Variants in ACTL6B observed in about 807,000 individuals in gnomAD.
ACTL6B encodes the protein actin like 6B.
ACTL6B carries 48 observed loss-of-function variants against 63.3 expected under a neutral mutation model. That is an observed-to-expected ratio of 0.76 (90% confidence interval 0.60 to 0.96). ACTL6B has a LOEUF of 0.96. ACTL6B is among the 50% of genes least tolerant of loss of function. The pLI is 0.00. For missense variants in ACTL6B, 350 were observed against 572.2 expected, an observed-to-expected ratio of 0.61 and a Z score of 3.96; for synonymous variants, 230 against 223.8, an observed-to-expected ratio of 1.03 and a Z score of -0.25.
intron 4 of ACTL6B, among the ~76,000 whole-genome samples, chr7:100,654,097 C>T (rs992741735): frequency 1.1e-4 from 17 of 151,786 alleles, no homozygotes; most frequent in Non-Finnish European, 1.9e-4. Flanking sequence ...CTCAGCCTCC[C>T]GAGTAGCTGG....
chr7:100,655,749 C>A lies in ACTL6B; in HGVS notation c.102+54G>T. On this transcript the variant is annotated intron_variant, in intron 2 of 13. Coordinates refer to ENST00000160382, the MANE Select transcript of ACTL6B (RefSeq NM_016188.5). The surrounding 1 kb of genome is among the most constrained non-coding windows in gnomAD (Gnocchi z 4.4). ...GGGAGAGCCCTGGGTCACTGGAAAGCCTGAAGAAGGGTCCGAAGCCCCTAG... is the reference window on the plus strand; with the variant it reads ...GGGAGAGCCCTGGGTCACTGGAAAGACTGAAGAAGGGTCCGAAGCCCCTAG... 6.5e-7 allele frequency: 1 copy of A among 1,540,680 alleles called. No homozygotes were observed. The highest frequency in any genetic ancestry group is 8.8e-7 in the Non-Finnish European group (1 of 1,141,466).
At chr7:100,651,529 G>A (rs192613003) in intron 4 of ACTL6B, among the ~76,000 whole-genome samples, 3 of 149,564 alleles carry the variant, frequency 2.0e-5, no homozygotes, top group Non-Finnish European at 3.0e-5. Flanking sequence ...CAGCCTGGGG[G>A]ACAAGAGTGA....
At position 100,653,686 on chromosome 7, in the gene ACTL6B, AAACAAC is replaced by A. The variant is rs539842177; in HGVS notation, c.369+1327_369+1332del. Among the ~76,000 whole-genome samples, 11 of 152,006 alleles carry A rather than the reference AAACAAC, an allele frequency of 7.2e-5. No individual in the cohort carries two copies. The South Asian group carries it at 8.3e-4, about 11-fold the overall frequency. ...AAAAACAAACAACAAACAAAACCCC[AAACAAC>A]AACAACAACAACAACAAAACCCACT... On this transcript the variant is annotated intron_variant, in intron 4 of 13. Transcript: ENST00000160382.
chr7:100,647,185 G>C lies in ACTL6B; in HGVS notation c.821+38C>G. 6.7e-7 allele frequency: 1 copy of C among 1,493,066 alleles called. No individual in the cohort carries two copies. 92.5% of individuals were successfully genotyped at this position (1,493,066 alleles called of 1,614,324 possible). ...AGCCCACCCCAAGAGTGCCGGTTCT[G>C]CCCTCTCTCCCACCCCAAAGCCCTG... On this transcript the variant is annotated intron_variant, in intron 9 of 13. Transcript: ENST00000160382. This position sits in a 1 kb window ranked among gnomAD's most constrained non-coding sequence, Gnocchi z 4.4.
At chr7:100,653,686 A>C (rs964720030) in intron 4 of ACTL6B, among the ~76,000 whole-genome samples, 2 of 151,888 alleles carry the variant, frequency 1.3e-5, no homozygotes, top group African/African-American at 4.8e-5. Flanking sequence ...ACAAAACCCC[A>C]AACAACAACA....
At chr7:100,650,188 A>C (rs1562849495) in intron 4 of ACTL6B, 53 bp from the exon 5 acceptor site, 1 of 1,499,994 alleles carries the variant, frequency 6.7e-7, no homozygotes, top group African/African-American at 1.4e-5. Context: ...GCACAGACCC[A>C]CATCCACGCA....
Position 100,655,658 on chromosome 7 carries a change from C to A in ACTL6B, c.103-72G>T. 6.5e-7 allele frequency: 1 copy of A among 1,547,790 alleles called. No individual in the cohort carries two copies. ...CTCTTGCCCCTGTCCAGCCCCACAG[C>A]AGGGTCCTCAGACCGCCCCTGGGTT... On this transcript the variant is annotated intron_variant, in intron 2 of 13. Coordinates refer to ENST00000160382, the MANE Select transcript of ACTL6B (RefSeq NM_016188.5). The surrounding 1 kb of genome is among the most constrained non-coding windows in gnomAD (Gnocchi z 4.4).
chr7:100,652,999 C>CAAAAAAAAAAAAAAAAAAAAAAA (rs58707737), intron 4 of ACTL6B, among the ~76,000 whole-genome samples: 1 of 25,948 alleles, frequency 3.9e-5, no homozygotes, highest in South Asian at 2.2e-3. Flanking sequence ...AACTCCGTCT[C>CAAAAAAAAAAAAAAAAAAAAAAA]AAAAAAAAAA....
At chr7:100,650,690 G>C (rs1035324812) in intron 4 of ACTL6B, among the ~76,000 whole-genome samples, 1 of 151,848 alleles carries the variant, frequency 6.6e-6, no homozygotes, top group African/African-American at 2.4e-5. Context: ...AAAATTTAAA[G>C]TAAGGAGCTT....
intron 13 of ACTL6B, among the ~76,000 whole-genome samples, chr7:100,644,315 T>C (rs1803779656): frequency 6.6e-6 from 1 of 152,202 alleles, no homozygotes; most frequent in Non-Finnish European, 1.5e-5. Context: ...ATTACAGGCG[T>C]GAGCTACCAC....
rs201095144 is a variant in ACTL6B, at chr7:100,655,461, C to T, written c.228G>A (p.Arg76=). The change falls in exon 3 of 14, where the codon CGG becomes CGA. Residue 76 remains arginine (R), a synonymous_variant. Transcript: ENST00000160382. The surrounding 1 kb of genome is among the most constrained non-coding windows in gnomAD (Gnocchi z 4.4). ...HIDTNALHVP[R]DGAEVMSPLK... is the part of the protein sequence containing the mutation. ...GGGGCGACATGACCTCCGCTCCATC[C>T]CGAGGCACGTGCAGGGCATTGGTGT... 1.2e-6 allele frequency: 2 copies of T among 1,614,170 alleles called. No individual in the cohort carries two copies. The highest frequency in any genetic ancestry group is 8.5e-7 in the Non-Finnish European group (1 of 1,180,022).
chr7:100,644,097 G>T (rs1244701079), intron 13 of ACTL6B, among the ~76,000 whole-genome samples: 2 of 151,876 alleles, frequency 1.3e-5, no homozygotes, highest in Non-Finnish European at 1.5e-5. Flanking sequence ...ACAGGGTTTC[G>T]CCATGTTGGC....
intron 4 of ACTL6B, 126 bp from the exon 5 acceptor site, chr7:100,650,261 A>G (rs891286830): frequency 1.9e-5 from 14 of 730,988 alleles, no homozygotes; most frequent in Non-Finnish European, 3.3e-5. Context: ...ACACTTGCAC[A>G]CACATACACA....
chr7:100,649,841 C>T lies in ACTL6B; in HGVS notation c.467+197G>A, dbSNP rs542472700. Reference sequence around the variant, plus strand: ...TGATCCGGGGAACCGAAAGGGGCCGCTGATCTGGCCACCCCAGAGTCGGAG... The same window carrying T: ...TGATCCGGGGAACCGAAAGGGGCCGTTGATCTGGCCACCCCAGAGTCGGAG... On this transcript the variant is annotated intron_variant, in intron 5 of 13. Coordinates refer to ENST00000160382, the MANE Select transcript of ACTL6B (RefSeq NM_016188.5). The T allele has an allele frequency of 4.7e-4, 253 of 540,080 alleles. 1 individual carries two copies. The highest frequency in any genetic ancestry group is 4.5e-3 in the African/African-American group (235 of 52,612). The allele number at this position is 540,080 out of a possible 1,614,324, so 33.5% of individuals were successfully genotyped here.
rs765635136 is a variant in ACTL6B, at chr7:100,646,270, C to T, written c.1179G>A (p.Gly393=). 8 of 1,614,046 alleles carry T rather than the reference C, an allele frequency of 5.0e-6. No homozygotes were observed. In the African/African-American group the frequency reaches 1.1e-4, roughly 22 times the overall value. ...TMERKFSPWI[G]GSILASLGTF... is the part of the protein sequence containing the mutation. Reference sequence around the variant, plus strand: ...TCACCAGTGAGGCCAGGATGGAACCCCCGATCCAGGGGCTGAACTTGCGCT... The same window carrying T: ...TCACCAGTGAGGCCAGGATGGAACCTCCGATCCAGGGGCTGAACTTGCGCT... The change falls in exon 13 of 14, where the codon GGG becomes GGA. Residue 393 remains glycine, a synonymous_variant. Transcript: ENST00000160382. The surrounding 1 kb of genome is among the most constrained non-coding windows in gnomAD (Gnocchi z 6.1).
chr7:100,652,543 G>A (rs1227683921), intron 4 of ACTL6B, among the ~76,000 whole-genome samples: 9 of 148,840 alleles, frequency 6.0e-5, no homozygotes, highest in African/African-American at 9.9e-5. Context: ...AGCCGAGATC[G>A]CGCCATGGCA....
Position 100,646,453 on chromosome 7 carries a change from G to C in ACTL6B, c.1113+98C>G. ...GGCAGGGGTTCTGCTCTGGTGGCCAGAACAGAAGGAAGGACATGGGAAGGA... is the reference window on the plus strand; with the variant it reads ...GGCAGGGGTTCTGCTCTGGTGGCCACAACAGAAGGAAGGACATGGGAAGGA... On this transcript the variant is annotated intron_variant, in intron 12 of 13. Coordinates refer to ENST00000160382, the MANE Select transcript of ACTL6B (RefSeq NM_016188.5). The surrounding 1 kb of genome is among the most constrained non-coding windows in gnomAD (Gnocchi z 6.1). 1 of 1,551,602 alleles carries C rather than the reference G, an allele frequency of 6.4e-7. No homozygotes were observed. Among genetic ancestry groups the C allele is most frequent in the Non-Finnish European group, 8.9e-7 (1 of 1,125,954 alleles).
Position 100,648,657 on chromosome 7 carries a change from C to G in ACTL6B, c.568G>C (p.Val190Leu). Residue 190 changes from valine to leucine, a missense_variant, in exon 7 of 14, where the codon GTC (valine) becomes CTC (leucine). Coordinates refer to ENST00000160382, the MANE Select transcript of ACTL6B (RefSeq NM_016188.5). The surrounding 1 kb of genome is among the most constrained non-coding windows in gnomAD (Gnocchi z 4.4). ...AAGTCCCCTGCCAGAGGGGACTTGA[C>G]GATGCCTAGAAGGAAGGCACTGTCA... ...HDGYVLQQGI[V>L]KSPLAGDFIS... is the part of the protein sequence containing the mutation. The G allele has an allele frequency of 6.2e-7, 1 of 1,611,838 alleles. No individual in the cohort carries two copies.
intron 13 of ACTL6B, among the ~76,000 whole-genome samples, chr7:100,645,025 C>T (rs761991781): frequency 6.6e-6 from 1 of 152,078 alleles, no homozygotes. Context: ...CACTGCACTC[C>T]AGCCTGGGCG....
Sources: gnomAD v4.1 joint callset for allele counts (sites outside exome capture counted in the v4.1 genomes callset) on GRCh38, gnomAD v4.1.1 for gene constraint, Gnocchi (gnomAD v3.1) non-coding constraint, MANE v1.5 for transcripts, NCBI Gene and HGNC (gene_info 2026-07-23, HGNC 2026-07-21) for gene names.